ELL: variants seen among roughly 807,000 people sequenced by gnomAD.
ELL encodes the protein RNA polymerase II elongation factor ELL.
Under a neutral mutation model 64.0 loss-of-function variants are expected in ELL, and 18 were observed. The ratio of observed to expected loss-of-function variants is 0.28; its 90% CI spans 0.19 to 0.42. ELL has a LOEUF of 0.42. ELL is among the 10% of genes least tolerant of loss of function. The probability of loss-of-function intolerance (pLI) is 1.00; values close to 1 mark genes in which losing one functional copy is unlikely to be tolerated. For synonymous variants in ELL, 399 were observed against 376.2 expected, an observed-to-expected ratio of 1.06 and a Z score of -0.70; for missense variants, 797 against 870.4, an observed-to-expected ratio of 0.92 and a Z score of 1.06.
intron 1 of ELL, among the ~76,000 whole-genome samples, chr19:18,517,792 T>G (rs1600513034): frequency 1.4e-5 from 2 of 139,076 alleles, no homozygotes; most frequent in African/African-American, 5.4e-5. Flanking sequence ...GCAGCTGAGG[T>G]GGGAAGATCA....
At chr19:18,518,727 G>GT (rs1184012868) in intron 1 of ELL, among the ~76,000 whole-genome samples, 1 of 151,414 alleles carries the variant, frequency 6.6e-6, no homozygotes, top group African/African-American at 2.4e-5. Context: ...GGAGGCGGAG[G>GT]TTGCAGTGAG....
At chr19:18,494,585 T>C (rs960605160) in intron 1 of ELL, among the ~76,000 whole-genome samples, 8 of 152,106 alleles carry the variant, frequency 5.3e-5, no homozygotes, top group Non-Finnish European at 8.8e-5. Flanking sequence ...GAGACAGGGT[T>C]TTGCCGTGTT....
At chr19:18,515,318 C>T (rs1976105456) in intron 1 of ELL, among the ~76,000 whole-genome samples, 1 of 152,240 alleles carries the variant, frequency 6.6e-6, no homozygotes, top group Non-Finnish European at 1.5e-5. Flanking sequence ...TACCCTGGTG[C>T]ACCAGTGGGC....
chr19:18,457,288 A>G (rs1349956606), intron 6 of ELL, among the ~76,000 whole-genome samples: 4 of 152,190 alleles, frequency 2.6e-5, no homozygotes, highest in African/African-American at 9.7e-5. Flanking sequence ...TTCTCCTTCC[A>G]GTGCCCTAAG....
At chr19:18,479,257 CCAAATGT>C (rs1975241842) in intron 1 of ELL, among the ~76,000 whole-genome samples, 1 of 152,136 alleles carries the variant, frequency 6.6e-6, no homozygotes, top group African/African-American at 2.4e-5. Context: ...ACCTCCTGCC[CCAAATGT>C]CAAGCAGTGC....
At chr19:18,508,192 T>C (rs902278084) in intron 1 of ELL, among the ~76,000 whole-genome samples, 9 of 152,104 alleles carry the variant, frequency 5.9e-5, no homozygotes, top group Admixed American at 5.2e-4. Flanking sequence ...CTCACGCCTA[T>C]AGCACTTTGG....
chr19:18,511,715 T>C (rs912906579), intron 1 of ELL, among the ~76,000 whole-genome samples: 3 of 151,794 alleles, frequency 2.0e-5, no homozygotes, highest in Non-Finnish European at 2.9e-5. Flanking sequence ...AGTGGGAAAA[T>C]TGCTAAAGAA....
intron 1 of ELL, among the ~76,000 whole-genome samples, chr19:18,491,999 C>T (rs1438667483): frequency 6.6e-6 from 1 of 152,196 alleles, no homozygotes; most frequent in African/African-American, 2.4e-5. Flanking sequence ...AGAGCCCTGA[C>T]CAATACAGAC....
chr19:18,450,327 G>A (rs1974495456), intron 8 of ELL, 150 bp downstream of exon 8: 11 of 1,328,824 alleles, frequency 8.3e-6, no homozygotes, highest in South Asian at 7.6e-5. Context: ...CAGGTGCCAG[G>A]CACACAGGGC....
chr19:18,509,577 GCA>G (rs1448569507), intron 1 of ELL, among the ~76,000 whole-genome samples: 6 of 136,210 alleles, frequency 4.4e-5, no homozygotes, highest in African/African-American at 1.8e-4. Context: ...ACAGGCCAAT[GCA>G]CGTGCGCGCG....
At chr19:18,460,930 A>AC (rs1271650223) in intron 5 of ELL, among the ~76,000 whole-genome samples, 5 of 152,100 alleles carry the variant, frequency 3.3e-5, no homozygotes, top group Non-Finnish European at 7.4e-5. Flanking sequence ...CTTCCCAGGG[A>AC]CCCCAGGAAG....
chr19:18,487,874 A>C (rs1212604003), intron 1 of ELL, among the ~76,000 whole-genome samples: 2 of 152,226 alleles, frequency 1.3e-5, no homozygotes, highest in East Asian at 3.9e-4. Context: ...CCGAACACTC[A>C]GGAGCTGTGC....
chr19:18,515,757 G>T (rs1336532473), intron 1 of ELL, among the ~76,000 whole-genome samples: 1 of 152,188 alleles, frequency 6.6e-6, no homozygotes, highest in Admixed American at 6.5e-5. Flanking sequence ...CAGGACCCCA[G>T]TGTGACTCCC....
At chr19:18,495,802 C>G (rs1042519570) in intron 1 of ELL, among the ~76,000 whole-genome samples, 7 of 152,238 alleles carry the variant, frequency 4.6e-5, no homozygotes, top group Non-Finnish European at 1.0e-4. Context: ...CTTCCCAATA[C>G]TGACCAAGAC....
At chr19:18,490,156 A>C (rs1325019810) in intron 1 of ELL, among the ~76,000 whole-genome samples, 1 of 152,188 alleles carries the variant, frequency 6.6e-6, no homozygotes, top group Admixed American at 6.5e-5. Flanking sequence ...ACCTGCAAGA[A>C]CAGTACAAAG....
intron 1 of ELL, among the ~76,000 whole-genome samples, chr19:18,496,705 C>A (rs1291419703): frequency 6.6e-6 from 1 of 152,186 alleles, no homozygotes; most frequent in Non-Finnish European, 1.5e-5. Context: ...TCAGGTGGTG[C>A]GGACTGGGGG....
intron 6 of ELL, among the ~76,000 whole-genome samples, chr19:18,454,290 G>A (rs1974605987): frequency 6.6e-6 from 1 of 152,066 alleles, no homozygotes; most frequent in African/African-American, 2.4e-5. Flanking sequence ...ACGAGGTCAG[G>A]AGATCGAGAC....
chr19:18,504,698 G>A (rs748822282), intron 1 of ELL, among the ~76,000 whole-genome samples: 3 of 152,176 alleles, frequency 2.0e-5, no homozygotes, highest in Non-Finnish European at 2.9e-5. Context: ...TCTCCCAGCT[G>A]CATCCCTGCC....
intron 1 of ELL, among the ~76,000 whole-genome samples, chr19:18,494,282 CAA>C (rs1975598995): frequency 1.3e-5 from 2 of 151,364 alleles, no homozygotes; most frequent in Admixed American, 6.6e-5. Context: ...AGGGGAGGGT[CAA>C]AGAGAGAGAG....
Sources: allele counts gnomAD v4.1 joint callset (sites outside exome capture counted in the v4.1 genomes callset), GRCh38; gene constraint gnomAD v4.1.1; transcripts MANE v1.5; gene names NCBI Gene and HGNC (gene_info 2026-07-23, HGNC 2026-07-21).